Variants in LAMA1 observed in about 807,000 individuals in gnomAD.
LAMA1 encodes laminin subunit alpha-1.
A neutral mutation model predicts 348.7 loss-of-function variants in LAMA1; 219 were observed. The ratio of observed to expected loss-of-function variants is 0.63; its 90% CI spans 0.56 to 0.70. LAMA1 has a LOEUF of 0.70. Ranked by LOEUF, LAMA1 falls within the 30% of genes least tolerant of loss-of-function variation. The pLI, the probability that LAMA1 is intolerant of heterozygous loss-of-function variation, is 0.00. For synonymous variants in LAMA1, 1,487 were observed against 1,491.0 expected (o/e 1.00, Z 0.06); for missense variants, 3,744 against 3,888.0 (o/e 0.96, Z 0.99).
chr18:7,025,691 A>G (rs1224770527), intron 17 of LAMA1, among the ~76,000 whole-genome samples: 1 of 152,206 alleles, frequency 6.6e-6, no homozygotes, highest in African/African-American at 2.4e-5. Flanking sequence ...CCCACTGGTA[A>G]GTAGACAACA....
chr18:7,042,797 C>T (rs568060106), intron 8 of LAMA1: 15 of 201,126 alleles, frequency 7.5e-5, no homozygotes, highest in African/African-American at 2.4e-4. Flanking sequence ...GCAGGAGAAT[C>T]GCTTGAACCC....
Position 7,044,828 on chromosome 18 carries a change from A to G in LAMA1, c.870T>C (p.Cys290=), listed in dbSNP as rs776770842. 1.1e-5 allele frequency: 17 copies of G among 1,613,048 alleles called. No individual in the cohort carries two copies. In the South Asian group the frequency reaches 1.8e-4, roughly 17 times the overall value. ...CCCCGCAAGTATTATGCTCACATTG[A>G]CACTGCAGTTTCTACACAATAAGGA... ...PWDETTKKLQ[C]QCEHNTCGES... The change falls in exon 7 of 63, where the codon TGT becomes TGC. Residue 290 remains cysteine, a synonymous_variant. Coordinates refer to ENST00000389658, the MANE Select transcript of LAMA1 (RefSeq NM_005559.4).
At position 6,978,367 on chromosome 18, in the gene LAMA1, T is replaced by G. The variant is rs928985177; in HGVS notation, c.6019A>C (p.Lys2007Gln). The G allele has an allele frequency of 1.9e-6, 3 of 1,614,118 alleles. No homozygotes were observed. The highest frequency in any genetic ancestry group is 2.5e-6 in the Non-Finnish European group (3 of 1,180,030). ...GCCAGCTCTTTGGTTTTGGCTCCCT[T>G]GTCTCTTATACCTAAAATAAATGTA... is the stretch of plus-strand genomic sequence containing the variant. ...LRAIPKGIRD[K>Q]GAKTKELATS... Residue 2007 changes from lysine (K) to glutamine (Q), a missense_variant, in exon 43 of 63, where the codon AAG becomes CAG. Coordinates refer to ENST00000389658, the MANE Select transcript of LAMA1 (RefSeq NM_005559.4).
At chr18:7,099,243 CT>C (rs1156716045) in intron 1 of LAMA1, among the ~76,000 whole-genome samples, 1 of 150,552 alleles carries the variant, frequency 6.6e-6, no homozygotes, top group East Asian at 1.9e-4. Context: ...GCAAGATGTG[CT>C]TTGTTAAACA....
chr18:7,112,855 GAACTCCC>G (rs1568074322), intron 1 of LAMA1, among the ~76,000 whole-genome samples: 8 of 152,004 alleles, frequency 5.3e-5, no homozygotes, highest in Non-Finnish European at 8.8e-5. Flanking sequence ...GTCTGGTCTT[GAACTCCC>G]GACCTCATGT....
At chr18:7,011,169 G>A (rs2057857964) in intron 25 of LAMA1, 131 bp downstream of exon 25, 14 of 1,013,910 alleles carry the variant, frequency 1.4e-5, no homozygotes, top group Non-Finnish European at 1.5e-6. Flanking sequence ...AAACTTCTCT[G>A]ATCCCACTTA....
Position 7,032,085 on chromosome 18 carries a change from T to C in LAMA1, c.2255A>G (p.Asn752Ser). ...ACTCACAATGCAAACGCCGTGAACA[T>C]TACACTCAGCTGCATGGCCGTGGCA... ...CECHGHAAEC[N>S]VHGVCIACAH... The change falls in exon 16 of 63, where the codon AAT becomes AGT. Residue 752 changes from asparagine to serine, a missense_variant. By Grantham distance (46) the Asn-to-Ser change is conservative. Around this residue, in one of 3 missense-constraint regions of LAMA1, gnomAD observed 1,529 missense variants for 1,689.4 expected, o/e 0.91. Coordinates refer to ENST00000389658, the MANE Select transcript of LAMA1 (RefSeq NM_005559.4). 1.2e-6 allele frequency: 2 copies of C among 1,614,060 alleles called. No homozygotes were observed. The highest frequency in any genetic ancestry group is 1.7e-6 in the Non-Finnish European group (2 of 1,179,964).
intron 39 of LAMA1, among the ~76,000 whole-genome samples, chr18:6,984,133 G>A (rs192664236): frequency 6.6e-6 from 1 of 152,144 alleles, no homozygotes; most frequent in African/African-American, 2.4e-5. Context: ...GAAGAGAGGA[G>A]CTGGTATCTA....
intron 1 of LAMA1, among the ~76,000 whole-genome samples, chr18:7,083,081 T>C (rs1376860083): frequency 1.3e-5 from 2 of 152,058 alleles, no homozygotes; most frequent in African/African-American, 2.4e-5. Context: ...CTCATGAACA[T>C]AAATTTAACT....
chr18:7,047,725 T>C (rs948420639), intron 5 of LAMA1, among the ~76,000 whole-genome samples: 1 of 151,812 alleles, frequency 6.6e-6, no homozygotes, highest in African/African-American at 2.4e-5. Flanking sequence ...AGTCCAGAAA[T>C]AAACCCACAA....
chr18:7,014,643 TAAA>T (rs557372322), intron 22 of LAMA1, among the ~76,000 whole-genome samples: 1 of 134,586 alleles, frequency 7.4e-6, no homozygotes. Context: ...CTGTCTCAAT[TAAA>T]AAAAAAAAAA....
intron 3 of LAMA1, among the ~76,000 whole-genome samples, chr18:7,075,021 G>A (rs9966842): frequency 0.39 from 49,775 of 128,046 alleles, 9,943 homozygotes; most frequent in East Asian, 0.72. Context: ...AATTCTGACA[G>A]CTGTCATCAA....
At chr18:7,002,541 C>A (rs1210017147) in intron 29 of LAMA1, among the ~76,000 whole-genome samples, 156 bp from the exon 30 acceptor site, 41 of 152,186 alleles carry the variant, frequency 2.7e-4, no homozygotes, top group Admixed American at 2.7e-3. Context: ...TTCTTAAAAT[C>A]CTGAAAACAT....
At chr18:6,953,076 C>T (rs1362144015) in intron 57 of LAMA1, among the ~76,000 whole-genome samples, 7 of 149,142 alleles carry the variant, frequency 4.7e-5, no homozygotes, top group Non-Finnish European at 8.9e-5. Context: ...GCCATGGGAG[C>T]CATGTCTGCC....
intron 3 of LAMA1, among the ~76,000 whole-genome samples, chr18:7,075,905 C>T (rs1416803630): frequency 6.6e-6 from 1 of 151,378 alleles, no homozygotes; most frequent in Non-Finnish European, 1.5e-5. Context: ...CCAATGCACT[C>T]CAGCCTGGGC....
At chr18:7,024,254 T>C (rs983912045) in intron 18 of LAMA1, 126 bp downstream of exon 18, 1 of 701,254 alleles carries the variant, frequency 1.4e-6, no homozygotes, top group African/African-American at 1.8e-5. Flanking sequence ...TTTTTCTCAA[T>C]GATTCTATGA....
chr18:6,979,314 G>A (rs1187272875), intron 42 of LAMA1, among the ~76,000 whole-genome samples: 2 of 152,088 alleles, frequency 1.3e-5, no homozygotes, highest in Non-Finnish European at 2.9e-5. Flanking sequence ...GGACTTTGGG[G>A]CTTCCTGTTT....
At chr18:7,094,687 T>C (rs1234726164) in intron 1 of LAMA1, among the ~76,000 whole-genome samples, 3 of 152,150 alleles carry the variant, frequency 2.0e-5, no homozygotes, top group African/African-American at 4.8e-5. Flanking sequence ...GTTTTTGGCT[T>C]ACTGTTAAGA....
intron 15 of LAMA1, 32 bp downstream of exon 15, chr18:7,032,952 A>C (rs750179880): frequency 4.0e-6 from 6 of 1,515,370 alleles, no homozygotes; most frequent in Non-Finnish European, 5.4e-6. Flanking sequence ...GGAAGGAACG[A>C]AAGGAAAAAG....
Sources: allele counts gnomAD v4.1 joint callset (sites outside exome capture counted in the v4.1 genomes callset), GRCh38; gene constraint gnomAD v4.1.1; regional missense constraint gnomAD v4.1.1; transcripts MANE v1.5; gene names NCBI Gene and HGNC (gene_info 2026-07-23, HGNC 2026-07-21).